CTNND2: variants seen among roughly 807,000 people sequenced by gnomAD.
The protein encoded by CTNND2 is catenin delta 2, also known as catenin delta-2.
In CTNND2, 22 loss-of-function variants were observed where a neutral mutation model predicts 144.4. The observed-to-expected ratio is 0.15, with a 90% confidence interval of 0.11 to 0.22. The LOEUF is 0.22. Ranked by LOEUF, CTNND2 falls within the 10% of genes least tolerant of loss-of-function variation. CTNND2 has a pLI of 1.00. For missense variants in CTNND2, 1,353 were observed against 1,618.8 expected (o/e 0.84, Z 2.82); for synonymous variants, 751 against 695.6 (o/e 1.08, Z -1.25).
intron 3 of CTNND2, among the ~76,000 whole-genome samples, chr5:11,466,203 T>C (rs1766661633): frequency 6.6e-6 from 1 of 152,154 alleles, no homozygotes; most frequent in African/African-American, 2.4e-5. Flanking sequence ...GGGCTTGCTA[T>C]GTTGCCCAAG....
intron 6 of CTNND2, among the ~76,000 whole-genome samples, chr5:11,392,943 A>G (rs1050777118): frequency 6.6e-6 from 1 of 152,044 alleles, no homozygotes; most frequent in Non-Finnish European, 1.5e-5. Context: ...TTTATTCAAC[A>G]CTCAAGACAT....
chr5:11,768,265 G>GGAGTT (rs1219586963), intron 1 of CTNND2, among the ~76,000 whole-genome samples: 2 of 134,872 alleles, frequency 1.5e-5, no homozygotes, highest in East Asian at 4.6e-4. Flanking sequence ...CTCCCACTCA[G>GGAGTT]GAGTTTTGTT....
At chr5:11,072,849 C>T (rs1042334544) in intron 16 of CTNND2, among the ~76,000 whole-genome samples, 2 of 152,182 alleles carry the variant, frequency 1.3e-5, no homozygotes, top group African/African-American at 2.4e-5. Context: ...GGTGTATGCC[C>T]GGGGGCTTGC....
intron 3 of CTNND2, among the ~76,000 whole-genome samples, chr5:11,448,757 C>T (rs1213498095): frequency 6.6e-6 from 1 of 152,184 alleles, no homozygotes; most frequent in East Asian, 1.9e-4. Context: ...CAACCTCTGA[C>T]TCCTGGGATC....
intron 2 of CTNND2, among the ~76,000 whole-genome samples, chr5:11,645,583 C>T (rs1351396233): frequency 6.6e-6 from 1 of 151,960 alleles, no homozygotes; most frequent in African/African-American, 2.4e-5. Flanking sequence ...TTGAATATAT[C>T]AATAATCATT....
At chr5:11,461,492 C>A (rs931315928) in intron 3 of CTNND2, among the ~76,000 whole-genome samples, 15 of 152,146 alleles carry the variant, frequency 9.9e-5, no homozygotes, top group Non-Finnish European at 2.1e-4. Context: ...ATGTCTCAAA[C>A]TAGTAGAGTT....
intron 2 of CTNND2, among the ~76,000 whole-genome samples, chr5:11,709,142 T>C (rs1156967388): frequency 6.6e-6 from 1 of 152,208 alleles, no homozygotes; most frequent in Non-Finnish European, 1.5e-5. Context: ...TCTGCGTTTA[T>C]GTGTCAGAGC....
rs1235957132 is a variant in CTNND2, at chr5:11,573,467, G to C, written c.175-8411C>G. On this transcript the variant is annotated intron_variant, in intron 2 of 21. Coordinates refer to ENST00000304623, the MANE Select transcript of CTNND2 (RefSeq NM_001332.4). ...TTACCCCACTGAAACATGTTGCCAA[G>C]CCAAGTTTGAAGGGGAAGTGGCACA... 3.3e-5 allele frequency among the ~76,000 whole-genome samples: 5 copies of C among 152,120 alleles called. No homozygotes were observed. The East Asian group carries it at 9.6e-4, about 29-fold the overall frequency.
chr5:11,770,442 AGGAAGGAAGGAAGGAAGGAAGG>A (rs1456934932), intron 1 of CTNND2, among the ~76,000 whole-genome samples: 7 of 138,518 alleles, frequency 5.1e-5, no homozygotes, highest in African/African-American at 2.1e-4. Flanking sequence ...GAAGGAAGGA[AGGAAGGAAGGAAGGAAGGAAGG>A]GGTAGGGGTA....
chr5:11,728,771 G>A (rs1270126191), intron 2 of CTNND2, among the ~76,000 whole-genome samples: 1 of 151,952 alleles, frequency 6.6e-6, no homozygotes, highest in Non-Finnish European at 1.5e-5. Flanking sequence ...ATAATATATT[G>A]ACTAAAGAGT....
chr5:11,477,451 G>A (rs1303496325), intron 3 of CTNND2, among the ~76,000 whole-genome samples: 1 of 149,810 alleles, frequency 6.7e-6, no homozygotes, highest in Non-Finnish European at 1.5e-5. Context: ...TTAATCTGTT[G>A]CCCAGGTTGA....
At chr5:11,750,967 T>C (rs1235337741) in intron 1 of CTNND2, among the ~76,000 whole-genome samples, 2 of 151,870 alleles carry the variant, frequency 1.3e-5, no homozygotes, top group African/African-American at 2.4e-5. Context: ...ATGTATTTCT[T>C]AACTTCTTGG....
intron 1 of CTNND2, among the ~76,000 whole-genome samples, chr5:11,881,019 T>TACC (rs1157337260): frequency 6.7e-6 from 1 of 148,590 alleles, no homozygotes; most frequent in Non-Finnish European, 1.5e-5. Context: ...CCACTACTAC[T>TACC]ACCACTACTA....
intron 9 of CTNND2, among the ~76,000 whole-genome samples, chr5:11,331,623 C>G (rs779695563): frequency 9.2e-5 from 14 of 152,130 alleles, no homozygotes; most frequent in Non-Finnish European, 1.5e-4. Context: ...GGGTCCAGAA[C>G]ATACCTGACT....
At chr5:11,464,633 A>T (rs1032432009) in intron 3 of CTNND2, among the ~76,000 whole-genome samples, 1 of 152,056 alleles carries the variant, frequency 6.6e-6, no homozygotes, top group Non-Finnish European at 1.5e-5. Context: ...TGCTGAGAAC[A>T]CTCTGCTGGA....
chr5:11,694,680 T>C (rs537674971), intron 2 of CTNND2, among the ~76,000 whole-genome samples: 23 of 152,326 alleles, frequency 1.5e-4, no homozygotes, highest in African/African-American at 5.3e-4. Context: ...AATTCTCAAA[T>C]ACTGAGGATG....
chr5:11,429,080 T>C lies in CTNND2; in HGVS notation c.288-17011A>G, dbSNP rs1423799080. 2.0e-5 allele frequency among the ~76,000 whole-genome samples: 3 copies of C among 152,210 alleles called. No individual in the cohort carries two copies. In the East Asian group the frequency reaches 5.8e-4, roughly 29 times the overall value. On this transcript the variant is annotated intron_variant, in intron 3 of 21. Coordinates refer to ENST00000304623, the MANE Select transcript of CTNND2 (RefSeq NM_001332.4). ...TTAAGAGAAAGCTATAGGGACCAAC[T>C]TATTCCTCTGTAGGGAAGGGGATGG...
intron 3 of CTNND2, among the ~76,000 whole-genome samples, chr5:11,424,519 G>T (rs1013765246): frequency 6.6e-6 from 1 of 152,002 alleles, no homozygotes; most frequent in Non-Finnish European, 1.5e-5. Flanking sequence ...AAATCTGTTG[G>T]TTGTAGCAAT....
chr5:11,535,263 T>C (rs1408055406), intron 3 of CTNND2, among the ~76,000 whole-genome samples: 1 of 151,774 alleles, frequency 6.6e-6, no homozygotes, highest in African/African-American at 2.4e-5. Context: ...GGAATTCTAA[T>C]AAAATGATTC....
Sources: gnomAD v4.1 joint callset for allele counts (sites outside exome capture counted in the v4.1 genomes callset) on GRCh38, gnomAD v4.1.1 for gene constraint, MANE v1.5 for transcripts, NCBI Gene and HGNC (gene_info 2026-07-23, HGNC 2026-07-21) for gene names.